The following PIK3CB variants were observed in gnomAD, a reference collection of about 807,000 sequenced individuals.
PIK3CB encodes the protein phosphatidylinositol 4,5-bisphosphate 3-kinase catalytic subunit beta isoform.
PIK3CB carries 39 observed loss-of-function variants against 136.8 expected under a neutral mutation model. That is an observed-to-expected ratio of 0.29 (90% CI 0.22 to 0.37). PIK3CB has a LOEUF of 0.37. Ranked by LOEUF, PIK3CB falls within the 10% of genes least tolerant of loss-of-function variation. The probability of loss-of-function intolerance (pLI) is 1.00; values close to 1 mark genes in which losing one functional copy is unlikely to be tolerated. For synonymous variants in PIK3CB, 428 were observed against 436.6 expected, an observed-to-expected ratio of 0.98 and a Z score of 0.25; for missense variants, 868 against 1,275.4, an observed-to-expected ratio of 0.68 and a Z score of 4.87.
intron 4 of PIK3CB, among the ~76,000 whole-genome samples, chr3:138,744,736 T>G (rs896549676): frequency 2.0e-5 from 3 of 152,254 alleles, no homozygotes; most frequent in African/African-American, 7.2e-5. Context: ...AAAAGCATTC[T>G]TGAATAATCA....
intron 5 of PIK3CB, 51 bp downstream of exon 5, chr3:138,742,507 T>C: frequency 1.1e-6 from 1 of 922,714 alleles, no homozygotes. Flanking sequence ...TGTATTCGGG[T>C]AAAAATGAGA....
intron 2 of PIK3CB, among the ~76,000 whole-genome samples, chr3:138,773,746 C>T (rs1410047244): frequency 1.3e-5 from 2 of 152,170 alleles, no homozygotes; most frequent in Non-Finnish European, 2.9e-5. Flanking sequence ...GTGTTTACCC[C>T]TAACATCAAC....
intron 1 of PIK3CB, among the ~76,000 whole-genome samples, chr3:138,824,591 T>C (rs941874518): frequency 2.6e-5 from 4 of 151,914 alleles, no homozygotes; most frequent in African/African-American, 9.7e-5. Flanking sequence ...ACGCTGGAGT[T>C]TGAGACCAGG....
intron 4 of PIK3CB, among the ~76,000 whole-genome samples, chr3:138,754,091 A>T (rs1424049954): frequency 6.6e-6 from 1 of 152,126 alleles, no homozygotes. Flanking sequence ...CTCCTCTTCC[A>T]TATATTCTTC....
intron 1 of PIK3CB, among the ~76,000 whole-genome samples, chr3:138,797,872 G>A (rs1277110576): frequency 6.6e-6 from 1 of 151,982 alleles, no homozygotes; most frequent in South Asian, 2.1e-4. Flanking sequence ...AAGATCACTT[G>A]AATCCAGGAG....
rs771812474 is a variant in PIK3CB, at chr3:138,656,269, C to A, written c.2948G>T (p.Arg983Leu). 1.9e-6 allele frequency: 3 copies of A among 1,614,030 alleles called. No homozygotes were observed. The highest frequency in any genetic ancestry group is 8.5e-7 in the Non-Finnish European group (1 of 1,179,982). Reference sequence around the variant, plus strand: ...CAGATATGCATCCTCACAACACTGGCGGAACCTTTGGGTGATGCAGCAAAC... The same window carrying A: ...CAGATATGCATCCTCACAACACTGGAGGAACCTTTGGGTGATGCAGCAAAC... ...TGNTEKFGRF[R>L]QCCEDAYLIL... Residue 983 changes from arginine to leucine, a missense_variant, in exon 23 of 24, where the codon CGC becomes CTC. Coordinates refer to ENST00000674063, the MANE Select transcript of PIK3CB (RefSeq NM_006219.3).
At chr3:138,672,929 A>G (rs80092808) in intron 19 of PIK3CB, among the ~76,000 whole-genome samples, 162 of 143,170 alleles carry the variant, frequency 1.1e-3, no homozygotes, top group South Asian at 3.2e-3. Flanking sequence ...AAAAAAAAAA[A>G]AGAGAGAGAG....
In PIK3CB at chr3:138,826,845, G is replaced by T. The variant is rs181290882; in HGVS notation, c.-122+7850C>A. Among the ~76,000 whole-genome samples, 39 of 152,234 alleles carry T rather than the reference G, an allele frequency of 2.6e-4. No homozygotes were observed. The East Asian group carries it at 4.8e-3, about 19-fold the overall frequency. On this transcript the variant is annotated intron_variant, in intron 1 of 23. Transcript: ENST00000674063. ...GCACTTTGGGAGGCCAAGGCAGGCG[G>T]ATCGCCTGAGGTCAGGAGTTCGAGA...
chr3:138,736,702 C>T (rs534372734), intron 6 of PIK3CB, among the ~76,000 whole-genome samples: 45 of 152,232 alleles, frequency 3.0e-4, no homozygotes, highest in African/African-American at 1.1e-3. Context: ...TGGGGCAATT[C>T]AGTGCCGTAT....
chr3:138,704,332 G>C (rs1164721037), intron 12 of PIK3CB, 111 bp downstream of exon 12: 11 of 795,226 alleles, frequency 1.4e-5, no homozygotes, highest in Non-Finnish European at 2.4e-5. Context: ...CTCACAGACT[G>C]TTCTTGCATA....
chr3:138,659,160 AC>A (rs918049929), intron 21 of PIK3CB, among the ~76,000 whole-genome samples: 3 of 151,916 alleles, frequency 2.0e-5, no homozygotes, highest in Non-Finnish European at 4.4e-5. Flanking sequence ...GGACTACCCC[AC>A]CCCCCAGTTA....
intron 11 of PIK3CB, among the ~76,000 whole-genome samples, chr3:138,705,499 A>T (rs898166417): frequency 2.0e-5 from 3 of 152,162 alleles, no homozygotes; most frequent in Non-Finnish European, 4.4e-5. Flanking sequence ...TAAGCACAAA[A>T]TTTAATTTGG....
intron 8 of PIK3CB, among the ~76,000 whole-genome samples, chr3:138,724,668 A>C (rs545913191): frequency 2.0e-5 from 3 of 152,182 alleles, no homozygotes; most frequent in African/African-American, 7.2e-5. Flanking sequence ...AGACACTTCT[A>C]TCATTACCCA....
In PIK3CB at chr3:138,682,041, T is replaced by C. The variant is rs1220232251; in HGVS notation, c.2430A>G (p.Leu810=). ...VGVIFKNGDD[L]RQDMLTLQML... is the part of the protein sequence containing the mutation. ...TTTGGAGTGTCAACATATCCTGTCG[T>C]AAATCTAAGGGAAAACAAACTGCTT... The change falls in exon 19 of 24, where the codon TTA becomes TTG. Residue 810 remains leucine, a synonymous_variant. Transcript: ENST00000674063. 3.1e-6 allele frequency: 5 copies of C among 1,608,244 alleles called. No individual in the cohort carries two copies. Among genetic ancestry groups the C allele is most frequent in the Non-Finnish European group, 2.6e-6 (3 of 1,176,424 alleles).
intron 19 of PIK3CB, among the ~76,000 whole-genome samples, chr3:138,665,833 G>A (rs2043398049): frequency 6.6e-6 from 1 of 152,180 alleles, no homozygotes; most frequent in African/African-American, 2.4e-5. Context: ...GCCTCCCAAA[G>A]TGCTGGGATT....
intron 21 of PIK3CB, among the ~76,000 whole-genome samples, chr3:138,661,337 A>AT (rs1410750629): frequency 1.3e-5 from 2 of 152,136 alleles, no homozygotes; most frequent in African/African-American, 2.4e-5. Flanking sequence ...AACAGTATAC[A>AT]TGGTGCCTCT....
At chr3:138,751,994 C>T (rs1476541714) in intron 4 of PIK3CB, among the ~76,000 whole-genome samples, 1 of 148,164 alleles carries the variant, frequency 6.7e-6, no homozygotes, top group African/African-American at 2.5e-5. Flanking sequence ...AAAAAAAAAT[C>T]CTACAGACTA....
chr3:138,833,792 G>T (rs1294554188), intron 1 of PIK3CB, among the ~76,000 whole-genome samples: 1 of 152,170 alleles, frequency 6.6e-6, no homozygotes, highest in Non-Finnish European at 1.5e-5. Context: ...AAACAGCAAA[G>T]CACTTCAAGT....
At chr3:138,824,760 G>A (rs1933708444) in intron 1 of PIK3CB, among the ~76,000 whole-genome samples, 1 of 151,782 alleles carries the variant, frequency 6.6e-6, no homozygotes, top group Non-Finnish European at 1.5e-5. Flanking sequence ...CAAAAAGAAA[G>A]ATCCTAGGCT....
Sources: allele counts gnomAD v4.1 joint callset (sites outside exome capture counted in the v4.1 genomes callset), GRCh38; gene constraint gnomAD v4.1.1; transcripts MANE v1.5; gene names NCBI Gene and HGNC (gene_info 2026-07-23, HGNC 2026-07-21).